Variants in ROBO2 observed in about 807,000 individuals in gnomAD.
ROBO2 encodes the protein roundabout homolog 2.
ROBO2 carries 53 observed loss-of-function variants against 160.8 expected under a neutral mutation model. The ratio of observed to expected loss-of-function variants is 0.33; its 90% CI spans 0.26 to 0.41. The LOEUF (loss-of-function observed/expected upper bound fraction) is 0.41, where lower values mean the gene tolerates loss of function less well. Among genes scored for constraint, ROBO2 ranks in the 10% least tolerant of loss-of-function variants. The pLI is 1.00. For synonymous variants in ROBO2, 664 were observed against 611.7 expected (o/e 1.09, Z -1.26); for missense variants, 1,577 against 1,722.4 (o/e 0.92, Z 1.49).
intron 2 of ROBO2, among the ~76,000 whole-genome samples, chr3:77,201,276 T>C (rs77538485): frequency 0.014 from 2,085 of 152,276 alleles, 44 homozygotes; most frequent in South Asian, 0.064. Context: ...TCACATTCTT[T>C]TTCTTTTTAG....
At chr3:76,710,123 T>C (rs1161648196) in intron 2 of ROBO2, among the ~76,000 whole-genome samples, 2 of 125,438 alleles carry the variant, frequency 1.6e-5, no homozygotes, top group African/African-American at 5.2e-5. Context: ...TTCTTTTTCT[T>C]TTCTTTTTTT....
intron 2 of ROBO2, among the ~76,000 whole-genome samples, chr3:77,104,716 A>G (rs1341101515): frequency 6.6e-6 from 1 of 152,034 alleles, no homozygotes; most frequent in Non-Finnish European, 1.5e-5. Context: ...TATCCAACTC[A>G]CCTCTCAATA....
chr3:75,949,321 T>C (rs540697649), intron 2 of ROBO2, among the ~76,000 whole-genome samples: 2 of 152,224 alleles, frequency 1.3e-5, no homozygotes, highest in South Asian at 4.1e-4. Flanking sequence ...AGTTTTCTTG[T>C]TTTCTAATAA....
At chr3:76,330,562 A>G (rs1054182257) in intron 2 of ROBO2, among the ~76,000 whole-genome samples, 1 of 152,192 alleles carries the variant, frequency 6.6e-6, no homozygotes. Flanking sequence ...GACATTTTAA[A>G]GTTTTAGAAT....
At chr3:76,505,520 C>T (rs1201076136) in intron 2 of ROBO2, among the ~76,000 whole-genome samples, 5 of 152,136 alleles carry the variant, frequency 3.3e-5, no homozygotes, top group African/African-American at 1.2e-4. Flanking sequence ...TGAGGTCATA[C>T]TGCGGTAGGG....
At chr3:77,647,968 T>C (rs2095423985) in exon 26 of ROBO2, 1 of 152,176 alleles carries the variant, frequency 6.6e-6, no homozygotes, top group Non-Finnish European at 1.5e-5. Flanking sequence ...TGTAATGTTC[T>C]TCATGGGCCC....
intron 2 of ROBO2, among the ~76,000 whole-genome samples, chr3:76,591,974 A>G (rs1042393099): frequency 1.3e-5 from 2 of 152,048 alleles, no homozygotes; most frequent in African/African-American, 4.8e-5. Context: ...TATTGGGGCT[A>G]TTTTTCACTT....
At chr3:77,555,300 A>G (rs954003174) in intron 8 of ROBO2, among the ~76,000 whole-genome samples, 1 of 152,022 alleles carries the variant, frequency 6.6e-6, no homozygotes, top group Non-Finnish European at 1.5e-5. Flanking sequence ...GTTGTGGTCT[A>G]GAACCAAACC....
intron 2 of ROBO2, among the ~76,000 whole-genome samples, chr3:76,459,188 A>G (rs762187333): frequency 2.6e-5 from 4 of 152,218 alleles, no homozygotes; most frequent in African/African-American, 7.2e-5. Context: ...TGGTTGTGAT[A>G]TAATATGGAG....
At chr3:77,192,255 A>G (rs753461852) in intron 2 of ROBO2, among the ~76,000 whole-genome samples, 16 of 152,128 alleles carry the variant, frequency 1.1e-4, no homozygotes, top group Non-Finnish European at 1.9e-4. Context: ...TGTATGTTTT[A>G]ATATGCTGAA....
At chr3:77,407,437 G>A (rs1017966741) in intron 2 of ROBO2, among the ~76,000 whole-genome samples, 1 of 152,146 alleles carries the variant, frequency 6.6e-6, no homozygotes, top group Non-Finnish European at 1.5e-5. Flanking sequence ...TTCATGCCAA[G>A]AACAAATATG....
chr3:77,486,834 C>T (rs1311928790), intron 4 of ROBO2, among the ~76,000 whole-genome samples: 1 of 152,084 alleles, frequency 6.6e-6, no homozygotes, highest in Non-Finnish European at 1.5e-5. Context: ...CTCTTCCCCA[C>T]CATCCCCCAC....
intron 1 of ROBO2, among the ~76,000 whole-genome samples, chr3:77,048,712 T>C (rs2064931698): frequency 6.6e-6 from 1 of 152,228 alleles, no homozygotes; most frequent in Non-Finnish European, 1.5e-5. Context: ...GTATAAGACA[T>C]TGAATCTAAT....
At chr3:76,710,103 A>T (rs2093259519) in intron 2 of ROBO2, among the ~76,000 whole-genome samples, 1 of 150,548 alleles carries the variant, frequency 6.6e-6, no homozygotes, top group African/African-American at 2.4e-5. Context: ...TCTTCCAAAC[A>T]CTTGTCCTTT....
rs907315980 is a variant in ROBO2 at position 77,137,234 on chromosome 3, AT to A, written c.388+38903del. ...GCCATCACAGTGGAATTTGATGATT[AT>A]TTTTTTTTGAGACAGGGTTTTGCTC... is the stretch of plus-strand genomic sequence containing the variant. On this transcript the variant is annotated intron_variant, in intron 2 of 25. Coordinates refer to ENST00000461745, the Ensembl canonical transcript of ROBO2. Among the ~76,000 whole-genome samples, 60 of 151,258 alleles carry A rather than the reference AT, an allele frequency of 4.0e-4. 1 individual carries two copies. The highest frequency in any genetic ancestry group is 2.2e-3 in the Admixed American group (34 of 15,182).
Position 77,442,318 on chromosome 3 carries a change from GA to G in ROBO2, c.389-35083del, listed in dbSNP as rs573166915. 3.3e-3 allele frequency among the ~76,000 whole-genome samples: 447 copies of G among 135,988 alleles called. 1 individual carries two copies. The highest frequency in any genetic ancestry group is 4.1e-3 in the Admixed American group (56 of 13,504). 89.2% of individuals were successfully genotyped at this position (135,988 alleles called of 152,430 possible). A position where few individuals can be genotyped will look rare whatever the true frequency, so the allele number is the denominator to read the frequency against. ...CAGAGCGAGACTCCGGCTCAAAAAAGAAAAAAAAAAAAATTACATTCATGAG... is the reference window on the plus strand; with the variant it reads ...CAGAGCGAGACTCCGGCTCAAAAAAGAAAAAAAAAAAATTACATTCATGAG... On this transcript the variant is annotated intron_variant, in intron 2 of 25. Transcript: ENST00000461745.
At chr3:77,295,527 T>C (rs10746536) in intron 2 of ROBO2, among the ~76,000 whole-genome samples, 135,605 of 144,624 alleles carry the variant, frequency 0.94, 63,881 homozygotes, top group Non-Finnish European at 0.99. Context: ...GACGGTTAAA[T>C]GGGTAAGCTG....
At chr3:77,267,004 A>G (rs1281714939) in intron 2 of ROBO2, among the ~76,000 whole-genome samples, 1 of 152,056 alleles carries the variant, frequency 6.6e-6, no homozygotes, top group Non-Finnish European at 1.5e-5. Context: ...AAAGCGCTTT[A>G]CTTCTTGTGG....
At chr3:76,857,207 G>A (rs560116217) in intron 2 of ROBO2, among the ~76,000 whole-genome samples, 2 of 152,148 alleles carry the variant, frequency 1.3e-5, no homozygotes, top group East Asian at 1.9e-4. Flanking sequence ...GGATGGTCTC[G>A]ATCTCCTGAC....
Sources: allele counts gnomAD v4.1 joint callset (sites outside exome capture counted in the v4.1 genomes callset), GRCh38; gene constraint gnomAD v4.1.1; transcripts MANE v1.5; gene names NCBI Gene and HGNC (gene_info 2026-07-23, HGNC 2026-07-21).